ZFAND3: variants seen among roughly 807,000 people sequenced by gnomAD.
ZFAND3 encodes AN1-type zinc finger protein 3.
A neutral mutation model predicts 29.6 loss-of-function variants in ZFAND3; 10 were observed. The observed-to-expected ratio is 0.34, with a 90% CI of 0.21 to 0.57. ZFAND3 has a LOEUF of 0.57. Ranked by LOEUF, ZFAND3 falls within the 20% of genes least tolerant of loss-of-function variation. The probability of loss-of-function intolerance (pLI) is 0.86; values close to 1 mark genes in which losing one functional copy is unlikely to be tolerated. For synonymous variants in ZFAND3, 128 were observed against 112.6 expected, an observed-to-expected ratio of 1.14 and a Z score of -0.87; for missense variants, 230 against 304.5, an observed-to-expected ratio of 0.76 and a Z score of 1.82.
intron 5 of ZFAND3, among the ~76,000 whole-genome samples, chr6:38,144,171 GATATATATATATAATATATATATATATAT>G (rs1394671767): frequency 2.3e-5 from 2 of 87,338 alleles, no homozygotes; most frequent in Non-Finnish European, 4.1e-5. Flanking sequence ...AGAAAAATGT[GATATATATATATAATATATATATATATAT>G]ATATATATAT....
chr6:38,114,197 T>C (rs541481086), intron 4 of ZFAND3, among the ~76,000 whole-genome samples: 1 of 152,346 alleles, frequency 6.6e-6, no homozygotes, highest in African/African-American at 2.4e-5. Flanking sequence ...CCCTAGAATT[T>C]TCTTGTTACA....
chr6:37,844,699 A>G (rs1175770700), intron 1 of ZFAND3, among the ~76,000 whole-genome samples: 1 of 151,830 alleles, frequency 6.6e-6, no homozygotes, highest in Non-Finnish European at 1.5e-5. Flanking sequence ...TGAACAAACC[A>G]CTTTAACACT....
At chr6:37,933,065 T>C (rs1761628089) in intron 2 of ZFAND3, among the ~76,000 whole-genome samples, 1 of 152,220 alleles carries the variant, frequency 6.6e-6, no homozygotes, top group Non-Finnish European at 1.5e-5. Flanking sequence ...GTATAGTGAA[T>C]GCAGTATTAC....
chr6:38,133,747 C>T (rs1278408662), intron 5 of ZFAND3, among the ~76,000 whole-genome samples: 1 of 148,916 alleles, frequency 6.7e-6, no homozygotes, highest in African/African-American at 2.5e-5. Flanking sequence ...AAGACTCTGT[C>T]TCAAAAAAAA....
intron 2 of ZFAND3, among the ~76,000 whole-genome samples, chr6:37,966,325 C>T (rs914232351): frequency 3.3e-5 from 5 of 152,176 alleles, no homozygotes; most frequent in South Asian, 2.1e-4. Context: ...CTAAGCATTA[C>T]AGTACCAGAT....
chr6:37,924,024 A>G (rs1050496673), intron 1 of ZFAND3, among the ~76,000 whole-genome samples: 1 of 152,074 alleles, frequency 6.6e-6, no homozygotes, highest in African/African-American at 2.4e-5. Flanking sequence ...ATGTATTTTC[A>G]AAACCAGAAC....
At chr6:38,152,208 T>A in intron 5 of ZFAND3, 27 bp from the exon 6 acceptor site, 1 of 1,489,130 alleles carries the variant, frequency 6.7e-7, no homozygotes, top group Non-Finnish European at 9.0e-7. Flanking sequence ...TAACACACTC[T>A]TTCCTCTGCT....
At chr6:38,032,167 T>A (rs1220119494) in intron 2 of ZFAND3, among the ~76,000 whole-genome samples, 1 of 152,214 alleles carries the variant, frequency 6.6e-6, no homozygotes, top group African/African-American at 2.4e-5. Context: ...TATGAGCATT[T>A]ATCTATGTTA....
intron 2 of ZFAND3, among the ~76,000 whole-genome samples, chr6:38,050,742 C>G (rs1342223884): frequency 6.6e-6 from 1 of 152,058 alleles, no homozygotes; most frequent in Non-Finnish European, 1.5e-5. Context: ...GGACTAATAC[C>G]CTGGGACTAT....
intron 4 of ZFAND3, among the ~76,000 whole-genome samples, chr6:38,094,930 T>C (rs1764946938): frequency 1.3e-5 from 2 of 152,130 alleles, no homozygotes; most frequent in Admixed American, 6.5e-5. Flanking sequence ...CAATGAGCAT[T>C]TCCTTTGAGC....
chr6:37,878,060 G>A lies in ZFAND3; in HGVS notation c.72-51899G>A, dbSNP rs548931619. ...TGGTGACAGCAGTAGTTGGAGAGAA[G>A]TAGGCAGATTGGAAACAAATTTGCA... On this transcript the variant is annotated intron_variant, in intron 1 of 5. Coordinates refer to ENST00000287218, the MANE Select transcript of ZFAND3 (RefSeq NM_021943.3). Among the ~76,000 whole-genome samples the A allele has an allele frequency of 8.8e-4, 134 of 152,338 alleles. 1 individual carries two copies. Among genetic ancestry groups the A allele is most frequent in the African/African-American group, 3.1e-3 (128 of 41,576 alleles).
chr6:38,095,414 G>C lies in ZFAND3; in HGVS notation c.361+12957G>C, dbSNP rs191160150. Among the ~76,000 whole-genome samples, 808 of 151,962 alleles carry C rather than the reference G, an allele frequency of 5.3e-3. 9 individuals are homozygous for C. Among genetic ancestry groups the C allele is most frequent in the African/African-American group, 0.019 (785 of 41,428 alleles). On this transcript the variant is annotated intron_variant, in intron 4 of 5. Transcript: ENST00000287218. ...TTTAATACAGGTCCCCCCACCCCTG[G>C]CATTTATAATTGCCTTTCTTTTTTT... is the stretch of plus-strand genomic sequence containing the variant.
intron 1 of ZFAND3, among the ~76,000 whole-genome samples, chr6:37,834,613 A>G (rs1763929459): frequency 6.6e-6 from 1 of 152,188 alleles, no homozygotes; most frequent in African/African-American, 2.4e-5. Context: ...CATTCCTATC[A>G]GCAGTGAATG....
intron 2 of ZFAND3, among the ~76,000 whole-genome samples, chr6:37,997,684 C>T (rs945437420): frequency 3.3e-5 from 5 of 152,198 alleles, no homozygotes; most frequent in Non-Finnish European, 7.3e-5. Flanking sequence ...TTGCTTTCCT[C>T]ATAGAGGGCC....
chr6:37,910,342 A>G (rs1417993840), intron 1 of ZFAND3, among the ~76,000 whole-genome samples: 1 of 151,078 alleles, frequency 6.6e-6, no homozygotes, highest in East Asian at 1.9e-4. Context: ...CTGGCATGTA[A>G]GTGCCTAAGT....
At chr6:38,103,276 T>G (rs1765129191) in intron 4 of ZFAND3, among the ~76,000 whole-genome samples, 1 of 151,810 alleles carries the variant, frequency 6.6e-6, no homozygotes, top group Non-Finnish European at 1.5e-5. Flanking sequence ...AAGTCACAGT[T>G]TCTAAGAGCC....
intron 1 of ZFAND3, among the ~76,000 whole-genome samples, chr6:37,830,389 A>C (rs551194548): frequency 7.2e-5 from 11 of 152,214 alleles, no homozygotes; most frequent in African/African-American, 2.4e-4. Context: ...AGAGTAATTA[A>C]TGTGAAAAGG....
At chr6:38,071,126 A>G in intron 3 of ZFAND3, among the ~76,000 whole-genome samples, 1 of 151,826 alleles carries the variant, frequency 6.6e-6, no homozygotes, top group South Asian at 2.1e-4. Flanking sequence ...ATGTAAAAAA[A>G]GAATTCTAGA....
chr6:38,010,526 C>A lies in ZFAND3; in HGVS notation c.113-51067C>A, dbSNP rs1332232373. 2.0e-5 allele frequency among the ~76,000 whole-genome samples: 3 copies of A among 151,266 alleles called. No homozygotes were observed. The East Asian group carries it at 5.8e-4, about 29-fold the overall frequency. ...TTGCTTTTGTCTTCAGCTGTTAAGT[C>A]TTTTCATGCCCTGGTCTATGACAAA... is the stretch of plus-strand genomic sequence containing the variant. On this transcript the variant is annotated intron_variant, in intron 2 of 5. Coordinates refer to ENST00000287218, the MANE Select transcript of ZFAND3 (RefSeq NM_021943.3).
Sources: allele counts gnomAD v4.1 joint callset (sites outside exome capture counted in the v4.1 genomes callset), GRCh38; gene constraint gnomAD v4.1.1; transcripts MANE v1.5; gene names NCBI Gene and HGNC (gene_info 2026-07-23, HGNC 2026-07-21).